The following SEMA6A variants were observed in gnomAD, a reference collection of about 807,000 sequenced individuals.
The protein encoded by SEMA6A is semaphorin-6A.
Under a neutral mutation model 96.8 loss-of-function variants are expected in SEMA6A, and 25 were observed. The observed-to-expected ratio is 0.26, with a 90% confidence interval of 0.19 to 0.36. The LOEUF (loss-of-function observed/expected upper bound fraction) is 0.36. Ranked by LOEUF, SEMA6A falls within the 10% of genes least tolerant of loss-of-function variation. SEMA6A has a pLI of 1.00. For synonymous variants in SEMA6A, 612 were observed against 518.0 expected, an observed-to-expected ratio of 1.18 and a Z score of -2.46; for missense variants, 1,363 against 1,323.1, an observed-to-expected ratio of 1.03 and a Z score of -0.47.
At chr5:116,489,148 A>G (rs956547694) in intron 7 of SEMA6A, 141 bp from the exon 8 acceptor site, 1 of 976,670 alleles carries the variant, frequency 1.0e-6, no homozygotes, top group East Asian at 2.7e-5. Context: ...AGTCGCTGGG[A>G]AAACTCTTGG....
Position 116,574,239 on chromosome 5 carries a change from G to C in SEMA6A, c.-93C>G, listed in dbSNP as rs749606556. Reference sequence around the variant, plus strand: ...GGGGCTCGGAGCGAACTGGTACAGCGTGTATCCCATTTAGTAATCCATTAT... The same window carrying C: ...GGGGCTCGGAGCGAACTGGTACAGCCTGTATCCCATTTAGTAATCCATTAT... On this transcript the variant is annotated 5_prime_UTR_variant, in exon 1 of 19. Coordinates refer to ENST00000343348, the MANE Select transcript of SEMA6A (RefSeq NM_020796.5). The C allele has an allele frequency of 6.6e-6, 1 of 152,444 alleles. No homozygotes were observed. Among genetic ancestry groups the C allele is most frequent in the South Asian group, 2.1e-4 (1 of 4,822 alleles). 9.4% of individuals were successfully genotyped at this position (152,444 alleles called of 1,614,324 possible).
intron 18 of SEMA6A, among the ~76,000 whole-genome samples, chr5:116,461,286 T>C (rs1755378982): frequency 6.6e-6 from 1 of 152,140 alleles, no homozygotes; most frequent in South Asian, 2.1e-4. Context: ...ACTCAGTTAA[T>C]TTTCCATTGT....
intron 18 of SEMA6A, chr5:116,449,458 C>T: frequency 4.5e-6 from 3 of 664,382 alleles, no homozygotes; most frequent in Non-Finnish European, 8.2e-6. Flanking sequence ...CCCAAGCCCA[C>T]AACACGCAAC....
chr5:116,503,088 T>C (rs1320831124), intron 2 of SEMA6A, among the ~76,000 whole-genome samples: 1 of 152,166 alleles, frequency 6.6e-6, no homozygotes, highest in African/African-American at 2.4e-5. Flanking sequence ...ATCTGGCCTT[T>C]AAAAATACCT....
rs1756249383 is a variant in SEMA6A at position 116,473,106 on chromosome 5, AG to A, written c.1709-14del. 3.1e-6 allele frequency: 5 copies of A among 1,589,134 alleles called. No individual in the cohort carries two copies. In the East Asian group the frequency reaches 1.1e-4, roughly 36 times the overall value. The stretch of plus-strand genomic sequence containing the variant: ...GCCACAAAGGAATCTGAAAGACAAA[AG>A]GGAGGAGAAGGTTACTTAATGTTTT... On this transcript the variant is annotated splice_polypyrimidine_tract_variant and intron_variant, in intron 16 of 18. Coordinates refer to ENST00000343348, the MANE Select transcript of SEMA6A (RefSeq NM_020796.5).
Position 116,536,866 on chromosome 5 carries a change from T to TAAAAAAAA in SEMA6A, c.-38-31892_-38-31885dup, listed in dbSNP as rs72214884. 1.8e-3 allele frequency among the ~76,000 whole-genome samples: 127 copies of TAAAAAAAA among 69,502 alleles called. 3 individuals are homozygous for TAAAAAAAA. The highest frequency in any genetic ancestry group is 0.013 in the Middle Eastern group (1 of 78). The allele number at this position is 69,502 out of a possible 152,430, so 45.6% of individuals were successfully genotyped here. ...TTTATTCAGTCCCCGTGTGATTTCT[T>TAAAAAAAA]AAAAAAAAAAAAAAAAAAAAAAAAA... On this transcript the variant is annotated intron_variant, in intron 1 of 18. Coordinates refer to ENST00000343348, the MANE Select transcript of SEMA6A (RefSeq NM_020796.5).
chr5:116,572,560 A>G (rs796587303), intron 1 of SEMA6A, among the ~76,000 whole-genome samples: 51 of 152,246 alleles, frequency 3.3e-4, no homozygotes, highest in African/African-American at 1.2e-3. Flanking sequence ...CAGGGAGCAG[A>G]TGGCTCGGGA....
chr5:116,446,261 T>G lies in SEMA6A; in HGVS notation c.*352A>C. 1 of 77,620 alleles carries G rather than the reference T, an allele frequency of 1.3e-5. No individual in the cohort carries two copies. The highest frequency in any genetic ancestry group is 2.3e-5 in the Non-Finnish European group (1 of 44,066). The allele number at this position is 77,620 out of a possible 1,614,324, so 4.8% of individuals were successfully genotyped here. A position where few individuals can be genotyped will look rare whatever the true frequency, so the allele number is the denominator to read the frequency against. ...TGTGCGTGTGTGTGTATGTGTTGTG[T>G]GCATGTGTGTGTGTGTGTGTGTGTG... On this transcript the variant is annotated 3_prime_UTR_variant, in exon 19 of 19. Transcript: ENST00000343348.
intron 18 of SEMA6A, among the ~76,000 whole-genome samples, chr5:116,457,547 C>T (rs1181517981): frequency 6.6e-6 from 1 of 151,830 alleles, no homozygotes; most frequent in African/African-American, 2.4e-5. Flanking sequence ...AATTTATTAC[C>T]CCATTAAAAA....
At chr5:116,552,026 A>G (rs1760435806) in intron 1 of SEMA6A, among the ~76,000 whole-genome samples, 2 of 152,208 alleles carry the variant, frequency 1.3e-5, no homozygotes, top group Non-Finnish European at 2.9e-5. Context: ...ATGAACCTGA[A>G]GAAATGGTGA....
At position 116,480,254 on chromosome 5, in the gene SEMA6A, G is replaced by A; in HGVS notation, c.1118C>T (p.Ser373Phe). 1.1e-5 allele frequency: 18 copies of A among 1,613,668 alleles called. No individual in the cohort carries two copies. Among genetic ancestry groups the A allele is most frequent in the Non-Finnish European group, 1.5e-5 (18 of 1,179,758 alleles). The change falls in exon 12 of 19, where the codon TCC becomes TTC. Residue 373 changes from serine (S) to phenylalanine (F), a missense_variant. Physicochemically the swap from Ser to Phe is radical, Grantham distance 155 (BLOSUM62 -2). Coordinates refer to ENST00000343348, the MANE Select transcript of SEMA6A (RefSeq NM_020796.5). ...KPRPGCCAGS[S>F]SLERYATSNE... Reference sequence around the variant, plus strand: ...GGAGGTTGCATATCTTTCTAAGGAGGATGAGCCAGCACAGCAACCTGGCCT... The same window carrying A: ...GGAGGTTGCATATCTTTCTAAGGAGAATGAGCCAGCACAGCAACCTGGCCT...
intron 18 of SEMA6A, among the ~76,000 whole-genome samples, chr5:116,461,349 G>A (rs1403137899): frequency 6.6e-6 from 1 of 152,020 alleles, no homozygotes; most frequent in Non-Finnish European, 1.5e-5. Flanking sequence ...CCCAAGACAG[G>A]AGCCCTTTTT....
chr5:116,518,616 C>A (rs1364665282), intron 1 of SEMA6A, among the ~76,000 whole-genome samples: 2 of 152,154 alleles, frequency 1.3e-5, no homozygotes, highest in Non-Finnish European at 2.9e-5. Context: ...AGACACACAC[C>A]CAGCCCTGCA....
chr5:116,543,539 C>T (rs766846337), intron 1 of SEMA6A, among the ~76,000 whole-genome samples: 3 of 152,186 alleles, frequency 2.0e-5, no homozygotes, highest in Non-Finnish European at 4.4e-5. Flanking sequence ...ACATCTAGAC[C>T]TGTCATCTTT....
At chr5:116,533,294 T>C (rs1759568235) in intron 1 of SEMA6A, among the ~76,000 whole-genome samples, 1 of 151,510 alleles carries the variant, frequency 6.6e-6, no homozygotes, top group East Asian at 1.9e-4. Flanking sequence ...GCATTGGAGA[T>C]GGCAGGTTTG....
intron 18 of SEMA6A, among the ~76,000 whole-genome samples, chr5:116,455,513 C>T (rs1754959910): frequency 6.6e-6 from 1 of 152,148 alleles, no homozygotes; most frequent in Admixed American, 6.5e-5. Context: ...TTCTATTTTC[C>T]AACTTCCTGG....
In SEMA6A at chr5:116,446,146, T is replaced by C. The variant is rs576095575; in HGVS notation, c.*467A>G. ...TTTAAATTTTCTTGATTTTAAAAAA[T>C]GTATTTGTGTTTTGCAGGTTGGAAC... On this transcript the variant is annotated 3_prime_UTR_variant, in exon 19 of 19. Transcript: ENST00000343348. The C allele has an allele frequency of 4.5e-4, 70 of 154,646 alleles. No individual in the cohort carries two copies. Among genetic ancestry groups the C allele is most frequent in the African/African-American group, 1.6e-3 (66 of 41,612 alleles). The allele number at this position is 154,646 out of a possible 1,614,324, so 9.6% of individuals were successfully genotyped here.
chr5:116,537,551 T>C lies in SEMA6A; in HGVS notation c.-38-32569A>G, dbSNP rs112878951. ...TCCAGTTGCATGACCTAGAGACAAA[T>C]TCCTTTCTTCTTCAGAGTTTCAACA... On this transcript the variant is annotated intron_variant, in intron 1 of 18. Transcript: ENST00000343348. Among the ~76,000 whole-genome samples, 896 of 152,250 alleles carry C rather than the reference T, an allele frequency of 5.9e-3. 16 individuals carry two copies. The highest frequency in any genetic ancestry group is 0.02 in the African/African-American group (850 of 41,536).
Position 116,518,101 on chromosome 5 carries a change from T to G in SEMA6A, c.-38-13119A>C, listed in dbSNP as rs118114374. 3.5e-3 allele frequency among the ~76,000 whole-genome samples: 530 copies of G among 152,322 alleles called. 21 individuals carry two copies. In the East Asian group the frequency reaches 0.09, roughly 26 times the overall value. On this transcript the variant is annotated intron_variant, in intron 1 of 18. Transcript: ENST00000343348. ...TGAATAACCCCAGAAGTTTAGGAAC[T>G]AGTTACTAAAATTAAGAATTTGGAT...
Sources: gnomAD v4.1 joint callset for allele counts (sites outside exome capture counted in the v4.1 genomes callset) on GRCh38, gnomAD v4.1.1 for gene constraint, MANE v1.5 for transcripts, NCBI Gene and HGNC (gene_info 2026-07-23, HGNC 2026-07-21) for gene names.